The following HLTF variants were observed in gnomAD, a reference collection of about 807,000 sequenced individuals.
The protein encoded by HLTF is DNA-dependent ATPase/E3 ubiquitin-protein ligase HLTF.
In HLTF, 127 loss-of-function variants were observed where a neutral mutation model predicts 129.4. That is an observed-to-expected ratio of 0.98 (90% CI 0.85 to 1.14). The LOEUF is 1.14. Among genes scored for constraint, HLTF ranks in the 50% most tolerant of loss-of-function variants. The pLI, the probability that HLTF is intolerant of heterozygous loss-of-function variation, is 0.00. For synonymous variants in HLTF, 332 were observed against 388.8 expected (o/e 0.85, Z 1.72); for missense variants, 1,139 against 1,187.1 (o/e 0.96, Z 0.60).
At chr3:149,050,195 A>G (rs374686211) in intron 15 of HLTF, 37 bp downstream of exon 15, 4 of 1,367,228 alleles carry the variant, frequency 2.9e-6, no homozygotes, top group Non-Finnish European at 2.0e-6. Context: ...CTTACATTCA[A>G]TCTTTAAAAG....
intron 23 of HLTF, among the ~76,000 whole-genome samples, chr3:149,035,979 C>A (rs1254435260): frequency 6.7e-6 from 1 of 150,194 alleles, no homozygotes; most frequent in African/African-American, 2.4e-5. Context: ...ACTAAAAATA[C>A]AAAAAATTAG....
intron 7 of HLTF, among the ~76,000 whole-genome samples, chr3:149,069,765 G>C (rs1437944755): frequency 6.6e-6 from 1 of 152,186 alleles, no homozygotes; most frequent in East Asian, 1.9e-4. Context: ...AATGAACAAA[G>C]TGAGGCTGTC....
rs1268269809 is a variant in HLTF at position 149,084,842 on chromosome 3, C to T, written c.68G>A (p.Gly23Glu). ...YLQTVQYGVH[G>E]NFPRLSYPTF... is the part of the protein sequence containing the mutation. ...TGGATATGAGAGGCGTGGAAAATTTCCATGAACTCCATACTGGACAGTCTG... is the reference window on the plus strand; with the variant it reads ...TGGATATGAGAGGCGTGGAAAATTTTCATGAACTCCATACTGGACAGTCTG... Residue 23 changes from glycine to glutamate, a missense_variant, in exon 2 of 25, where the codon GGA (glycine) becomes GAA (glutamate). Transcript: ENST00000310053. The T allele has an allele frequency of 2.5e-6, 4 of 1,613,910 alleles. No homozygotes were observed. The highest frequency in any genetic ancestry group is 1.3e-5 in the African/African-American group (1 of 74,900).
intron 14 of HLTF, among the ~76,000 whole-genome samples, chr3:149,052,803 A>G (rs1354028738): frequency 2.0e-5 from 3 of 152,196 alleles, no homozygotes; most frequent in African/African-American, 2.4e-5. Flanking sequence ...AACTGAATCA[A>G]TGGGTGGCCT....
intron 3 of HLTF, among the ~76,000 whole-genome samples, chr3:149,074,806 A>G (rs1719204103): frequency 6.6e-6 from 1 of 152,190 alleles, no homozygotes. Context: ...ATGAGCATTT[A>G]TTTTCTCTTC....
At chr3:149,058,406 T>C (rs1717654530) in intron 13 of HLTF, among the ~76,000 whole-genome samples, 1 of 152,144 alleles carries the variant, frequency 6.6e-6, no homozygotes, top group Admixed American at 6.5e-5. Flanking sequence ...AATCAGCATA[T>C]TTTTTCCAGT....
At chr3:149,084,956 G>A in intron 1 of HLTF, 67 bp from the exon 2 acceptor site, 1 of 1,079,330 alleles carries the variant, frequency 9.3e-7, no homozygotes, top group Non-Finnish European at 1.4e-6. Context: ...CATATGAGTA[G>A]TTTTCTCATG....
In HLTF at chr3:149,063,423, T is replaced by C. The variant is rs539818027; in HGVS notation, c.1160+8A>G. The C allele has an allele frequency of 1.1e-5, 16 of 1,505,036 alleles. No homozygotes were observed. The South Asian group carries it at 1.1e-4, about 11-fold the overall frequency. The allele number at this position is 1,505,036 out of a possible 1,614,324, so 93.2% of individuals were successfully genotyped here. On this transcript the variant is annotated splice_region_variant and intron_variant, in intron 10 of 24. Coordinates refer to ENST00000310053, the MANE Select transcript of HLTF (RefSeq NM_003071.4). ...AACATATGACATAATCAAACCATAA[T>C]AGTTTACCTTTTGGGGCGGGAGCTA...
chr3:149,085,365 T>A (rs1015745842), intron 1 of HLTF, among the ~76,000 whole-genome samples: 3 of 152,124 alleles, frequency 2.0e-5, no homozygotes, highest in Non-Finnish European at 4.4e-5. Context: ...GGCGCCCATA[T>A]GTAATCCCAG....
intron 14 of HLTF, among the ~76,000 whole-genome samples, chr3:149,053,112 CT>C (rs1174000219): frequency 6.6e-6 from 1 of 152,212 alleles, no homozygotes; most frequent in Non-Finnish European, 1.5e-5. Flanking sequence ...CAGTTCTAGC[CT>C]GCTCTGTAGA....
chr3:149,074,360 G>T lies in HLTF; in HGVS notation c.396-12C>A. On this transcript the variant is annotated splice_polypyrimidine_tract_variant and intron_variant, in intron 3 of 24. Transcript: ENST00000310053. ...CAAAAGGAACTACCCTATTATATTT[G>T]GGAGAAAAAGAAAGGGAAATCAGAA... is the stretch of plus-strand genomic sequence containing the variant. 6.3e-7 allele frequency: 1 copy of T among 1,582,826 alleles called. No homozygotes were observed. The highest frequency in any genetic ancestry group is 1.2e-5 in the South Asian group (1 of 85,624).
At chr3:149,082,903 T>C (rs1424244061) in intron 2 of HLTF, among the ~76,000 whole-genome samples, 5 of 151,994 alleles carry the variant, frequency 3.3e-5, no homozygotes, top group African/African-American at 7.3e-5. Flanking sequence ...AGAAGATAAG[T>C]TATGGTTCTG....
Position 149,075,887 on chromosome 3 carries a change from A to C in HLTF, c.389T>G (p.Ile130Ser), listed in dbSNP as rs763908817. 6.3e-7 allele frequency: 1 copy of C among 1,594,210 alleles called. No homozygotes were observed. The highest frequency in any genetic ancestry group is 1.2e-5 in the South Asian group (1 of 86,708). The change falls in exon 3 of 25, where the codon ATT (isoleucine) becomes AGT (serine). Residue 130 changes from isoleucine to serine, a missense_variant. Transcript: ENST00000310053. The stretch of plus-strand genomic sequence containing the variant: ...AATTCTGAAAGTACATTACCCTTCA[A>C]TTTGTGCCAATTTGTTGTCCATGAT... Reference protein sequence around the residue: ...AYIMDNKLAQIEGVVPFGANN... With the variant: ...AYIMDNKLAQSEGVVPFGANN...
chr3:149,038,008 T>C (rs1715797610), intron 23 of HLTF, among the ~76,000 whole-genome samples: 1 of 152,226 alleles, frequency 6.6e-6, no homozygotes, highest in East Asian at 1.9e-4. Context: ...ATATTAGGCA[T>C]TAAAACGTAC....
At chr3:149,045,896 C>G (rs182394060) in intron 18 of HLTF, among the ~76,000 whole-genome samples, 184 bp downstream of exon 18, 18 of 152,206 alleles carry the variant, frequency 1.2e-4, no homozygotes, top group Non-Finnish European at 2.2e-4. Flanking sequence ...AAATTACTTA[C>G]CTGGTGAATT....
intron 10 of HLTF, 86 bp from the exon 11 acceptor site, chr3:149,060,944 A>G (rs1185426524): frequency 9.8e-6 from 9 of 914,886 alleles, no homozygotes; most frequent in Non-Finnish European, 1.3e-5. Flanking sequence ...TGCAATAAAA[A>G]ACTTTTGTCC....
intron 10 of HLTF, among the ~76,000 whole-genome samples, chr3:149,062,308 TTG>T (rs1718020210): frequency 6.9e-6 from 1 of 144,258 alleles, no homozygotes; most frequent in Non-Finnish European, 1.5e-5. Flanking sequence ...ATTAACAGTG[TTG>T]TGTTACCCAG....
intron 2 of HLTF, among the ~76,000 whole-genome samples, chr3:149,081,260 C>T (rs115326021): frequency 0.02 from 2,544 of 128,060 alleles, 34 homozygotes; most frequent in Middle Eastern, 0.071. Flanking sequence ...TTATTGAAAA[C>T]ACACTAAAAA....
chr3:149,084,171 G>C (rs1214680547), intron 2 of HLTF, among the ~76,000 whole-genome samples: 1 of 151,988 alleles, frequency 6.6e-6, no homozygotes, highest in Non-Finnish European at 1.5e-5. Context: ...TCTTCCTAAG[G>C]AATCTCCTAG....
Sources: allele counts gnomAD v4.1 joint callset (sites outside exome capture counted in the v4.1 genomes callset), GRCh38; gene constraint gnomAD v4.1.1; transcripts MANE v1.5; gene names NCBI Gene and HGNC (gene_info 2026-07-23, HGNC 2026-07-21).